Variants in SOX6 observed in about 807,000 individuals in gnomAD.
The protein encoded by SOX6 is transcription factor SOX-6.
A neutral mutation model predicts 97.8 loss-of-function variants in SOX6; 11 were observed. The ratio of observed to expected loss-of-function variants is 0.11; its 90% confidence interval spans 0.07 to 0.19. The LOEUF (loss-of-function observed/expected upper bound fraction) is 0.19. SOX6 is among the 10% of genes least tolerant of loss of function. The pLI, the probability that SOX6 is intolerant of heterozygous loss-of-function variation, is 1.00. For synonymous variants in SOX6, 360 were observed against 371.4 expected (o/e 0.97, Z 0.35); for missense variants, 810 against 1,039.5 (o/e 0.78, Z 3.04).
intron 3 of SOX6, among the ~76,000 whole-genome samples, chr11:16,626,095 A>G (rs1848619920): frequency 6.6e-6 from 1 of 152,202 alleles, no homozygotes; most frequent in African/African-American, 2.4e-5. Flanking sequence ...AGATCATCTC[A>G]TAACTGAATT....
chr11:16,169,664 T>A lies in SOX6; in HGVS notation c.777+14222A>T, dbSNP rs993032594. Among the ~76,000 whole-genome samples, 10 of 152,230 alleles carry A rather than the reference T, an allele frequency of 6.6e-5. No homozygotes were observed. In the East Asian group the frequency reaches 1.2e-3, roughly 18 times the overall value. On this transcript the variant is annotated intron_variant, in intron 6 of 15. Coordinates refer to ENST00000683767, the MANE Select transcript of SOX6 (RefSeq NM_001367873.1). ...TGAAATAAAGATTCCCTCCATATTT[T>A]AAGCAATTACTGTCTAAAGAAAGGA...
chr11:16,558,912 T>C (rs1847777986), intron 4 of SOX6, among the ~76,000 whole-genome samples: 1 of 152,072 alleles, frequency 6.6e-6, no homozygotes, highest in African/African-American at 2.4e-5. Flanking sequence ...TAAAAAGTGA[T>C]TTTTTAGCAT....
intron 6 of SOX6, among the ~76,000 whole-genome samples, chr11:16,153,962 A>G (rs1850528805): frequency 6.6e-6 from 1 of 152,194 alleles, no homozygotes; most frequent in Middle Eastern, 3.2e-3. Context: ...TACTTTTCTG[A>G]AAACAAAACC....
intron 3 of SOX6, among the ~76,000 whole-genome samples, chr11:16,642,777 G>C (rs888135217): frequency 5.3e-5 from 8 of 152,086 alleles, no homozygotes; most frequent in Non-Finnish European, 1.0e-4. Context: ...GGTCCTTTAA[G>C]GGCTTCTCTA....
intron 4 of SOX6, among the ~76,000 whole-genome samples, chr11:16,539,955 C>G (rs778001296): frequency 5.9e-5 from 9 of 152,156 alleles, no homozygotes; most frequent in Non-Finnish European, 1.3e-4. Context: ...GGGAATCCTC[C>G]CTAACTCATT....
intron 4 of SOX6, among the ~76,000 whole-genome samples, chr11:16,502,224 ACAC>A (rs750192160): frequency 1.1e-3 from 164 of 152,294 alleles, no homozygotes; most frequent in Admixed American, 1.8e-3. Flanking sequence ...AAAAAACCAA[ACAC>A]CACATGTTCT....
At chr11:16,500,197 C>T (rs987776972) in intron 4 of SOX6, among the ~76,000 whole-genome samples, 4 of 152,114 alleles carry the variant, frequency 2.6e-5, no homozygotes, top group African/African-American at 9.7e-5. Context: ...TAAACAGAAC[C>T]AATGACAAAA....
At chr11:16,384,268 C>T (rs921252045) in intron 1 of SOX6, among the ~76,000 whole-genome samples, 3 of 151,832 alleles carry the variant, frequency 2.0e-5, no homozygotes, top group East Asian at 1.9e-4. Flanking sequence ...AATGTTGGCA[C>T]TTAAGGAGGA....
intron 1 of SOX6, among the ~76,000 whole-genome samples, chr11:16,459,638 T>A (rs1198738356): frequency 6.6e-6 from 1 of 152,042 alleles, no homozygotes; most frequent in Non-Finnish European, 1.5e-5. Context: ...TTTTTAAAGA[T>A]TCAAGTTGAA....
chr11:16,328,967 G>T (rs758734374), intron 2 of SOX6, among the ~76,000 whole-genome samples: 1 of 151,996 alleles, frequency 6.6e-6, no homozygotes, highest in Admixed American at 6.6e-5. Flanking sequence ...CATGACAAAA[G>T]TATCATTTTT....
At chr11:16,692,644 G>T (rs1848024797) in intron 3 of SOX6, among the ~76,000 whole-genome samples, 1 of 152,156 alleles carries the variant, frequency 6.6e-6, no homozygotes, top group South Asian at 2.1e-4. Flanking sequence ...GTTTATTAAG[G>T]ATTTTCTCCA....
chr11:16,152,443 A>G (rs1850483505), intron 6 of SOX6, among the ~76,000 whole-genome samples: 1 of 152,204 alleles, frequency 6.6e-6, no homozygotes, highest in African/African-American at 2.4e-5. Context: ...AAACAGACCA[A>G]TGGAATTTGA....
intron 13 of SOX6, among the ~76,000 whole-genome samples, chr11:15,999,560 A>G (rs1312533953): frequency 6.6e-6 from 1 of 152,154 alleles, no homozygotes; most frequent in Non-Finnish European, 1.5e-5. Flanking sequence ...ACCCCACAAA[A>G]TAAAGCAGAA....
chr11:16,472,534 A>C (rs955675944), intron 1 of SOX6, among the ~76,000 whole-genome samples: 2 of 152,204 alleles, frequency 1.3e-5, no homozygotes, highest in African/African-American at 4.8e-5. Context: ...CCCACAGTTT[A>C]TATAATTTTG....
intron 14 of SOX6, 147 bp downstream of exon 14, chr11:15,988,850 C>T: frequency 1.3e-6 from 1 of 750,394 alleles, no homozygotes; most frequent in East Asian, 2.5e-5. Context: ...ATGACGAAGG[C>T]TCCTGCGGCA....
intron 3 of SOX6, among the ~76,000 whole-genome samples, chr11:16,291,825 A>C (rs909408875): frequency 1.5e-4 from 23 of 152,118 alleles, no homozygotes; most frequent in Non-Finnish European, 2.9e-4. Context: ...GTAAATGATG[A>C]TAACTTAAGT....
chr11:16,492,177 C>T (rs1023026836), intron 4 of SOX6, among the ~76,000 whole-genome samples: 5 of 152,108 alleles, frequency 3.3e-5, no homozygotes, highest in East Asian at 3.8e-4. Context: ...CACTTCTGTT[C>T]GTCAAAAGAC....
At chr11:16,211,228 T>C (rs1852218756) in intron 4 of SOX6, among the ~76,000 whole-genome samples, 1 of 152,260 alleles carries the variant, frequency 6.6e-6, no homozygotes, top group South Asian at 2.1e-4. Context: ...CCTTTACTTA[T>C]ATTAATATGA....
At chr11:16,247,115 T>C (rs1431875471) in intron 3 of SOX6, among the ~76,000 whole-genome samples, 2 of 152,148 alleles carry the variant, frequency 1.3e-5, no homozygotes, top group African/African-American at 4.8e-5. Context: ...TGTCCGTGAG[T>C]TCATTTGTTT....
Sources: allele counts gnomAD v4.1 joint callset (sites outside exome capture counted in the v4.1 genomes callset), GRCh38; gene constraint gnomAD v4.1.1; transcripts MANE v1.5; gene names NCBI Gene and HGNC (gene_info 2026-07-23, HGNC 2026-07-21).